Variants in LRRIQ1 observed in about 807,000 individuals in gnomAD.
The protein encoded by LRRIQ1 is leucine rich repeats and IQ motif containing 1, also known as leucine-rich repeat- and IQ domain-containing protein 1.
In LRRIQ1, 210 loss-of-function variants were observed where a neutral mutation model predicts 211.9. That is an observed-to-expected ratio of 0.99 (90% CI 0.89 to 1.11). The LOEUF (loss-of-function observed/expected upper bound fraction) is 1.11, where lower values mean the gene tolerates loss of function less well. Ranked by LOEUF, LRRIQ1 falls within the 50% of genes most tolerant of loss-of-function variation. The pLI is 0.00. For synonymous variants in LRRIQ1, 699 were observed against 650.1 expected (o/e 1.08, Z -1.14); for missense variants, 2,136 against 1,939.5 (o/e 1.10, Z -1.90).
intron 11 of LRRIQ1, among the ~76,000 whole-genome samples, chr12:85,092,071 C>G (rs1203487009): frequency 1.3e-5 from 2 of 152,138 alleles, no homozygotes; most frequent in Non-Finnish European, 2.9e-5. Context: ...TGCAAGGGAT[C>G]TAGGTTGCAC....
rs533118794 is a variant in LRRIQ1, at chr12:85,083,499, G to A, written c.2887+10401G>A. On this transcript the variant is annotated intron_variant, in intron 11 of 26. Coordinates refer to ENST00000393217, the MANE Select transcript of LRRIQ1 (RefSeq NM_001079910.2). ...TCTGTCGCCAGGCTGGAGTGCAGTG[G>A]CCTGATCTCAGCTCACTGCAACCTC... Among the ~76,000 whole-genome samples, 427 of 151,130 alleles carry A rather than the reference G, an allele frequency of 2.8e-3. 1 individual carries two copies. The highest frequency in any genetic ancestry group is 9.9e-3 in the African/African-American group (405 of 41,042).
At chr12:85,080,382 T>A (rs973723195) in intron 11 of LRRIQ1, among the ~76,000 whole-genome samples, 4 of 151,746 alleles carry the variant, frequency 2.6e-5, no homozygotes, top group African/African-American at 9.7e-5. Flanking sequence ...TTAACAGATA[T>A]AATTATTATA....
chr12:85,248,026 A>T (rs1895782562), downstream of LRRIQ1, among the ~76,000 whole-genome samples: 6 of 151,720 alleles, frequency 4.0e-5, no homozygotes, highest in Admixed American at 4.0e-4. Flanking sequence ...TAAAATGGAC[A>T]TAGCAAGAGA....
chr12:85,182,612 T>C (rs879349000), intron 24 of LRRIQ1, among the ~76,000 whole-genome samples: 17 of 152,142 alleles, frequency 1.1e-4, no homozygotes, highest in Non-Finnish European at 2.2e-4. Flanking sequence ...TTCTAAATCA[T>C]GTAGCTAATG....
chr12:85,140,421 A>G (rs1889455929), intron 19 of LRRIQ1, among the ~76,000 whole-genome samples: 1 of 151,232 alleles, frequency 6.6e-6, no homozygotes, highest in Non-Finnish European at 1.5e-5. Flanking sequence ...ATAGAAATAC[A>G]ATTTATTTTT....
chr12:85,234,418 G>T (rs1041545281), intron 26 of LRRIQ1, among the ~76,000 whole-genome samples: 1 of 152,100 alleles, frequency 6.6e-6, no homozygotes, highest in African/African-American at 2.4e-5. Flanking sequence ...GATACATTTT[G>T]TTTTCACATT....
At chr12:85,105,500 G>T (rs1008684753) in intron 14 of LRRIQ1, among the ~76,000 whole-genome samples, 1 of 151,658 alleles carries the variant, frequency 6.6e-6, no homozygotes, top group African/African-American at 2.4e-5. Flanking sequence ...TTTACATTTT[G>T]TTTTCTTTGG....
At chr12:85,169,059 T>G (rs2136792443) in intron 24 of LRRIQ1, among the ~76,000 whole-genome samples, 1 of 152,310 alleles carries the variant, frequency 6.6e-6, no homozygotes, top group South Asian at 2.1e-4. Context: ...TTAGTGTTGC[T>G]TATCATTTAT....
chr12:85,089,857 A>C (rs1885195532), intron 11 of LRRIQ1, among the ~76,000 whole-genome samples: 1 of 152,228 alleles, frequency 6.6e-6, no homozygotes. Flanking sequence ...GGCTGTAGAG[A>C]AATTACTTGC....
intron 24 of LRRIQ1, among the ~76,000 whole-genome samples, chr12:85,187,817 A>C (rs1411726616): frequency 1.3e-5 from 2 of 151,826 alleles, no homozygotes; most frequent in Non-Finnish European, 2.9e-5. Flanking sequence ...CTCAAAAAAA[A>C]AAAAAAAAAG....
intron 1 of LRRIQ1, among the ~76,000 whole-genome samples, chr12:85,256,928 T>TA (rs1896111678): frequency 6.9e-6 from 1 of 145,920 alleles, no homozygotes; most frequent in Admixed American, 7.2e-5. Context: ...GGAATTTACT[T>TA]AAAATTCCTA....
At chr12:85,143,550 G>T (rs780402439) in intron 19 of LRRIQ1, among the ~76,000 whole-genome samples, 1 of 151,544 alleles carries the variant, frequency 6.6e-6, no homozygotes, top group Non-Finnish European at 1.5e-5. Context: ...TCAGACAAAT[G>T]TCATGGAGTG....
chr12:85,196,638 A>T (rs1332025636), intron 24 of LRRIQ1, among the ~76,000 whole-genome samples: 1 of 152,292 alleles, frequency 6.6e-6, no homozygotes, highest in Non-Finnish European at 1.5e-5. Flanking sequence ...AGAAAGCTGA[A>T]ACTGGATCCC....
At chr12:85,072,759 A>G (rs1565808445) in intron 10 of LRRIQ1, 148 bp from the exon 11 acceptor site, 1 of 430,690 alleles carries the variant, frequency 2.3e-6, no homozygotes, top group East Asian at 3.6e-5. Flanking sequence ...AACCTTTTGA[A>G]TCAAGTTTAG....
intron 24 of LRRIQ1, among the ~76,000 whole-genome samples, chr12:85,217,704 ATG>A (rs542566084): frequency 4.1e-4 from 44 of 107,792 alleles, no homozygotes; most frequent in African/African-American, 2.5e-3. Flanking sequence ...ATATGTATAT[ATG>A]TGTGTGTATA....
intron 18 of LRRIQ1, among the ~76,000 whole-genome samples, chr12:85,137,430 C>A (rs543236791): frequency 6.6e-6 from 1 of 151,298 alleles, no homozygotes; most frequent in African/African-American, 2.4e-5. Flanking sequence ...CATAATACTC[C>A]CTGTATAATA....
chr12:85,137,075 C>A (rs923580908), intron 18 of LRRIQ1, among the ~76,000 whole-genome samples: 1 of 151,086 alleles, frequency 6.6e-6, no homozygotes, highest in Non-Finnish European at 1.5e-5. Flanking sequence ...TTTTATAATT[C>A]GAGCTTTTTA....
chr12:85,061,822 T>A (rs1881846455), intron 8 of LRRIQ1, among the ~76,000 whole-genome samples: 1 of 151,796 alleles, frequency 6.6e-6, no homozygotes, highest in African/African-American at 2.4e-5. Context: ...TCTGAAAAAA[T>A]TATTAAAAAT....
chr12:85,269,947 A>G, the LRRIQ1 span, among the ~76,000 whole-genome samples: 1 of 152,086 alleles, frequency 6.6e-6, no homozygotes, highest in African/African-American at 2.4e-5. Context: ...CTCTTGGTTA[A>G]AGAAAGCCGT....
Sources: gnomAD v4.1 joint callset for allele counts (sites outside exome capture counted in the v4.1 genomes callset) on GRCh38, gnomAD v4.1.1 for gene constraint, MANE v1.5 for transcripts, NCBI Gene and HGNC (gene_info 2026-07-23, HGNC 2026-07-21) for gene names.